Variants in SMYD3 observed in about 807,000 individuals in gnomAD.
SMYD3 encodes SET and MYND domain containing 3.
SMYD3 carries 36 observed loss-of-function variants against 57.7 expected under a neutral mutation model. The observed-to-expected ratio is 0.62, with a 90% CI of 0.48 to 0.82. SMYD3 has a LOEUF of 0.82. SMYD3 is among the 40% of genes least tolerant of loss of function. SMYD3 has a pLI of 0.00. For synonymous variants in SMYD3, 211 were observed against 195.0 expected (o/e 1.08, Z -0.68); for missense variants, 515 against 538.8 (o/e 0.96, Z 0.44).
chr1:246,303,766 G>T (rs2064934763), intron 5 of SMYD3, among the ~76,000 whole-genome samples: 1 of 152,126 alleles, frequency 6.6e-6, no homozygotes, highest in African/African-American at 2.4e-5. Context: ...CTATTTAAGT[G>T]TACATTCTGG....
intron 5 of SMYD3, among the ~76,000 whole-genome samples, chr1:246,267,446 T>A (rs796923559): frequency 5.9e-5 from 9 of 152,358 alleles, no homozygotes; most frequent in African/African-American, 2.2e-4. Context: ...CATAGGCACA[T>A]CCTTAAAATT....
At chr1:246,412,433 G>A (rs180745221) in intron 1 of SMYD3, among the ~76,000 whole-genome samples, 297 of 151,632 alleles carry the variant, frequency 2.0e-3, no homozygotes, top group Non-Finnish European at 3.1e-3. Context: ...CCTTCTATTT[G>A]TTTCTGTAAT....
intron 3 of SMYD3, among the ~76,000 whole-genome samples, chr1:246,331,987 C>T (rs1467607309): frequency 3.9e-5 from 6 of 152,226 alleles, no homozygotes; most frequent in Admixed American, 1.3e-4. Flanking sequence ...ATTCCCACTG[C>T]CTGGCTATTC....
chr1:246,477,118 T>C (rs982236338), intron 1 of SMYD3, among the ~76,000 whole-genome samples: 2 of 152,202 alleles, frequency 1.3e-5, no homozygotes, highest in Non-Finnish European at 2.9e-5. Context: ...AATGTTTAAT[T>C]CCTATTAAAC....
intron 5 of SMYD3, among the ~76,000 whole-genome samples, chr1:246,275,109 G>A (rs1285890899): frequency 6.6e-6 from 1 of 152,020 alleles, no homozygotes. Context: ...CTTAGAACCA[G>A]ACAAGAAGGC....
chr1:246,503,941 CA>C (rs1362290486), intron 1 of SMYD3, among the ~76,000 whole-genome samples: 1 of 121,070 alleles, frequency 8.3e-6, no homozygotes, highest in Admixed American at 9.3e-5. Context: ...GCAACAAGAG[CA>C]AAACTCCATC....
chr1:246,072,942 G>C (rs1037615245), intron 5 of SMYD3, among the ~76,000 whole-genome samples: 8 of 152,056 alleles, frequency 5.3e-5, no homozygotes, highest in African/African-American at 1.7e-4. Context: ...CCTTTTTTCT[G>C]TGTCTCCATT....
intron 1 of SMYD3, among the ~76,000 whole-genome samples, chr1:246,440,341 A>AT (rs1391979972): frequency 6.6e-6 from 1 of 152,132 alleles, no homozygotes; most frequent in East Asian, 1.9e-4. Context: ...CCTCCCACAA[A>AT]TTGAGTACTT....
At chr1:246,318,641 C>T (rs151034776) in intron 5 of SMYD3, among the ~76,000 whole-genome samples, 1 of 152,290 alleles carries the variant, frequency 6.6e-6, no homozygotes, top group African/African-American at 2.4e-5. Context: ...GTAACCTTTG[C>T]CATTTCATAA....
chr1:245,834,741 G>A (rs947155375), intron 10 of SMYD3, among the ~76,000 whole-genome samples: 15 of 152,228 alleles, frequency 9.9e-5, no homozygotes, highest in African/African-American at 3.6e-4. Context: ...TGGGAGGCCA[G>A]AAAGGGAGAT....
chr1:246,448,951 G>T (rs1428777531), intron 1 of SMYD3, among the ~76,000 whole-genome samples: 1 of 152,036 alleles, frequency 6.6e-6, no homozygotes, highest in Non-Finnish European at 1.5e-5. Flanking sequence ...TACCCTGCTG[G>T]GCACAGTGGC....
chr1:246,147,261 C>A, intron 5 of SMYD3, among the ~76,000 whole-genome samples: 1 of 151,632 alleles, frequency 6.6e-6, no homozygotes, highest in Non-Finnish European at 1.5e-5. Context: ...TCAGGAACGG[C>A]AGCAGCTTCG....
chr1:245,912,459 C>A (rs1057484577), intron 8 of SMYD3, among the ~76,000 whole-genome samples: 3 of 152,040 alleles, frequency 2.0e-5, no homozygotes, highest in Non-Finnish European at 2.9e-5. Flanking sequence ...TCAATGCAAT[C>A]CCTATTAAAA....
At chr1:245,815,153 T>C (rs2048729803) in intron 10 of SMYD3, among the ~76,000 whole-genome samples, 1 of 152,150 alleles carries the variant, frequency 6.6e-6, no homozygotes, top group Non-Finnish European at 1.5e-5. Context: ...AAACAGAAGA[T>C]GCTTTTACAC....
intron 1 of SMYD3, among the ~76,000 whole-genome samples, chr1:246,397,118 T>G (rs1191547104): frequency 6.6e-6 from 1 of 152,208 alleles, no homozygotes; most frequent in Non-Finnish European, 1.5e-5. Flanking sequence ...GTTAGAAACC[T>G]GGCTGCACGA....
At chr1:246,459,831 A>C (rs551644129) in intron 1 of SMYD3, among the ~76,000 whole-genome samples, 35 of 152,108 alleles carry the variant, frequency 2.3e-4, no homozygotes, top group Admixed American at 9.2e-4. Context: ...ACCAAAATGT[A>C]AAACAATCAG....
chr1:245,814,848 GCACACACACGCAAGCA>G (rs1359382147), intron 10 of SMYD3, among the ~76,000 whole-genome samples: 2 of 148,532 alleles, frequency 1.3e-5, no homozygotes, highest in African/African-American at 5.2e-5. Context: ...ACACATGCAC[GCACACACACGCAAGCA>G]CACACACACG....
At chr1:246,338,092 G>T (rs767812887) in intron 2 of SMYD3, among the ~76,000 whole-genome samples, 1 of 152,078 alleles carries the variant, frequency 6.6e-6, no homozygotes, top group Admixed American at 6.5e-5. Context: ...TTATTTCCAT[G>T]AAAAGCCAAA....
At chr1:246,212,160 A>G (rs2063099484) in intron 5 of SMYD3, among the ~76,000 whole-genome samples, 1 of 152,126 alleles carries the variant, frequency 6.6e-6, no homozygotes, top group African/African-American at 2.4e-5. Flanking sequence ...CAACTTTTTC[A>G]AAGATAGTTA....
Sources: gnomAD v4.1 joint callset for allele counts (sites outside exome capture counted in the v4.1 genomes callset) on GRCh38, gnomAD v4.1.1 for gene constraint, MANE v1.5 for transcripts, NCBI Gene and HGNC (gene_info 2026-07-23, HGNC 2026-07-21) for gene names.